The following NUSAP1 variants were observed in gnomAD, a reference collection of about 807,000 sequenced individuals.
NUSAP1 encodes nucleolar and spindle associated protein 1.
A neutral mutation model predicts 52.8 loss-of-function variants in NUSAP1; 32 were observed. The ratio of observed to expected loss-of-function variants is 0.61; its 90% CI spans 0.46 to 0.81. NUSAP1 has a LOEUF of 0.81. NUSAP1 is among the 40% of genes least tolerant of loss of function. The probability of loss-of-function intolerance (pLI) is 0.00; values close to 1 mark genes in which losing one functional copy is unlikely to be tolerated. For missense variants in NUSAP1, 499 were observed against 522.3 expected (o/e 0.96, Z 0.43); for synonymous variants, 195 against 183.1 (o/e 1.06, Z -0.52).
chr15:41,368,394 G>T (rs548484127), intron 7 of NUSAP1, among the ~76,000 whole-genome samples: 3 of 152,152 alleles, frequency 2.0e-5, no homozygotes. Context: ...AAATATAGAA[G>T]TGAAGCTAAA....
intron 4 of NUSAP1, chr15:41,351,895 C>T (rs2048790946): frequency 6.6e-6 from 1 of 151,872 alleles, no homozygotes; most frequent in African/African-American, 2.4e-5. Context: ...AGGACTTCAA[C>T]ATATCTTTTA....
chr15:41,376,515 G>A (rs985301529), intron 9 of NUSAP1, among the ~76,000 whole-genome samples: 54 of 150,628 alleles, frequency 3.6e-4, no homozygotes, highest in Admixed American at 7.3e-4. Flanking sequence ...TTGAAACCCC[G>A]TCTCTACCAA....
chr15:41,349,421 G>A (rs2048700229), intron 3 of NUSAP1, 180 bp downstream of exon 3: 1 of 538,516 alleles, frequency 1.9e-6, no homozygotes, highest in African/African-American at 1.9e-5. Flanking sequence ...CAGGGCTTGG[G>A]CCTCAGGAAG....
At chr15:41,353,754 C>T (rs191198669) in intron 4 of NUSAP1, among the ~76,000 whole-genome samples, 6 of 152,156 alleles carry the variant, frequency 3.9e-5, no homozygotes, top group African/African-American at 9.7e-5. Context: ...AGATTAGACT[C>T]ATAGCTCTAT....
chr15:41,378,192 G>A lies in NUSAP1; in HGVS notation c.1232+888G>A, dbSNP rs185565810. ...TCATCTGCCTAAACACAGGGCATGT[G>A]GGTATCTCTCCAGATACCAATGCCC... On this transcript the variant is annotated intron_variant, in intron 10 of 10. Coordinates refer to ENST00000559596, the MANE Select transcript of NUSAP1 (RefSeq NM_016359.5). 1.6e-3 allele frequency among the ~76,000 whole-genome samples: 237 copies of A among 152,214 alleles called. 1 individual carries two copies. Among genetic ancestry groups the A allele is most frequent in the African/African-American group, 5.6e-3 (233 of 41,518 alleles).
chr15:41,334,390 A>C (rs2048042032), intron 1 of NUSAP1, among the ~76,000 whole-genome samples: 3 of 152,336 alleles, frequency 2.0e-5, no homozygotes, highest in African/African-American at 7.2e-5. Flanking sequence ...TACTGGGATT[A>C]CAGGCGTGAG....
chr15:41,333,129 G>C (rs1261801982), intron 1 of NUSAP1, 79 bp downstream of exon 1: 1 of 1,098,514 alleles, frequency 9.1e-7, no homozygotes, highest in Non-Finnish European at 1.3e-6. Flanking sequence ...CGAAGGGACC[G>C]AGAGGGAAGC....
At chr15:41,342,562 G>A in intron 2 of NUSAP1, 108 bp downstream of exon 2, 1 of 864,916 alleles carries the variant, frequency 1.2e-6, no homozygotes, top group Non-Finnish European at 1.8e-6. Context: ...TGTTGGCCAG[G>A]TGTTGTGGCT....
At chr15:41,342,612 C>T (rs796754116) in intron 2 of NUSAP1, among the ~76,000 whole-genome samples, 158 bp downstream of exon 2, 64 of 151,956 alleles carry the variant, frequency 4.2e-4, no homozygotes, top group African/African-American at 1.4e-3. Flanking sequence ...CAGTGGCAGG[C>T]GGATCACTTG....
intron 6 of NUSAP1, among the ~76,000 whole-genome samples, chr15:41,363,307 T>G (rs1195966912): frequency 6.7e-6 from 1 of 150,120 alleles, no homozygotes; most frequent in Non-Finnish European, 1.5e-5. Flanking sequence ...AAAAAAGATC[T>G]TGCCTGTCTG....
intron 3 of NUSAP1, 58 bp from the exon 4 acceptor site, chr15:41,350,930 G>T: frequency 6.9e-7 from 1 of 1,447,942 alleles, no homozygotes; most frequent in South Asian, 1.3e-5. Flanking sequence ...ACTTATCTTT[G>T]GAAGGCAGCA....
intron 1 of NUSAP1, among the ~76,000 whole-genome samples, chr15:41,341,341 G>C (rs143432722): frequency 6.6e-6 from 1 of 152,200 alleles, no homozygotes; most frequent in African/African-American, 2.4e-5. Context: ...TGGAATTACA[G>C]GCATGAGCCA....
chr15:41,349,533 A>G (rs1357998712), intron 3 of NUSAP1: 1 of 253,632 alleles, frequency 3.9e-6, no homozygotes, highest in Non-Finnish European at 7.7e-6. Context: ...AAGGAAAGAG[A>G]AACAAGCATT....
intron 6 of NUSAP1, among the ~76,000 whole-genome samples, chr15:41,364,272 G>T (rs957644396): frequency 6.6e-6 from 1 of 152,146 alleles, no homozygotes; most frequent in African/African-American, 2.4e-5. Flanking sequence ...GCTAGGCTGG[G>T]CGTGGTGGCT....
chr15:41,346,272 A>C (rs2048564010), intron 2 of NUSAP1, among the ~76,000 whole-genome samples: 1 of 151,690 alleles, frequency 6.6e-6, no homozygotes, highest in African/African-American at 2.4e-5. Flanking sequence ...TTATTCTTTC[A>C]TTCCCAACAG....
In NUSAP1 at chr15:41,332,890, G is replaced by A; in HGVS notation, c.-68G>A. 2 of 1,244,472 alleles carry A rather than the reference G, an allele frequency of 1.6e-6. No individual in the cohort carries two copies. Among genetic ancestry groups the A allele is most frequent in the Non-Finnish European group, 2.3e-6 (2 of 866,514 alleles). The allele number at this position is 1,244,472 out of a possible 1,614,324, so 77.1% of individuals were successfully genotyped here. On this transcript the variant is annotated 5_prime_UTR_variant, in exon 1 of 11. Transcript: ENST00000559596. ...CTAGTCAAAGTTAAGAGTGGCGCCA[G>A]GGATTTGAACCGCGCTGACGAAGTT...
At chr15:41,354,794 A>T (rs927856395) in intron 4 of NUSAP1, among the ~76,000 whole-genome samples, 4 of 151,246 alleles carry the variant, frequency 2.6e-5, no homozygotes, top group Non-Finnish European at 5.9e-5. Flanking sequence ...TGAGGCAGGC[A>T]GATCACAAGG....
At position 41,332,993 on chromosome 15, in the gene NUSAP1, C is replaced by T. The variant is rs1006524160; in HGVS notation, c.36C>T (p.Leu12=). 1.9e-6 allele frequency: 3 copies of T among 1,612,010 alleles called. No individual in the cohort carries two copies. Among genetic ancestry groups the T allele is most frequent in the African/African-American group, 2.7e-5 (2 of 74,878 alleles). ...CCTCTCTAGAGGAGCTGGACTCCCTCAAGTACAGTGACCTGCAGAACTTAG... is the reference window on the plus strand; with the variant it reads ...CCTCTCTAGAGGAGCTGGACTCCCTTAAGTACAGTGACCTGCAGAACTTAG... The part of the protein sequence containing the change: ...IIPSLEELDS[L]KYSDLQNLAK... The change falls in exon 1 of 11, where the codon CTC becomes CTT. Residue 12 remains leucine (L), a synonymous_variant. Coordinates refer to ENST00000559596, the MANE Select transcript of NUSAP1 (RefSeq NM_016359.5).
chr15:41,333,107 G>T, intron 1 of NUSAP1, 57 bp downstream of exon 1: 1 of 1,365,996 alleles, frequency 7.3e-7, no homozygotes, highest in Non-Finnish European at 1.0e-6. Context: ...GCGGCCTCGG[G>T]GAGATGCGGT....
Sources: gnomAD v4.1 joint callset for allele counts (sites outside exome capture counted in the v4.1 genomes callset) on GRCh38, gnomAD v4.1.1 for gene constraint, MANE v1.5 for transcripts, NCBI Gene and HGNC (gene_info 2026-07-23, HGNC 2026-07-21) for gene names.